Variants in SNX8 observed in about 807,000 individuals in gnomAD.
SNX8 encodes sorting nexin-8.
SNX8 carries 25 observed loss-of-function variants against 51.6 expected under a neutral mutation model. The ratio of observed to expected loss-of-function variants is 0.48; its 90% CI spans 0.35 to 0.68. SNX8 has a LOEUF of 0.68. Among genes scored for constraint, SNX8 ranks in the 30% least tolerant of loss-of-function variants. The probability of loss-of-function intolerance (pLI) is 0.00; values close to 1 mark genes in which losing one functional copy is unlikely to be tolerated. For synonymous variants in SNX8, 324 were observed against 277.0 expected (o/e 1.17, Z -1.68); for missense variants, 695 against 624.0 (o/e 1.11, Z -1.21).
chr7:2,353,627 G>A (rs1335543029), intron 1 of SNX8, among the ~76,000 whole-genome samples: 1 of 151,896 alleles, frequency 6.6e-6, no homozygotes, highest in Non-Finnish European at 1.5e-5. Flanking sequence ...GTGGCATCAA[G>A]TACATTCACC....
intron 1 of SNX8, among the ~76,000 whole-genome samples, chr7:2,297,546 G>A (rs1214746289): frequency 8.6e-5 from 2 of 23,340 alleles, no homozygotes; most frequent in South Asian, 1.5e-3. Flanking sequence ...GCAAAACCCC[G>A]CCGCAAAAAA....
At chr7:2,323,458 G>A (rs1319852750) in intron 1 of SNX8, among the ~76,000 whole-genome samples, 1 of 151,990 alleles carries the variant, frequency 6.6e-6, no homozygotes, top group African/African-American at 2.4e-5. Flanking sequence ...TCATGCTGCA[G>A]TAACAATCTC....
rs557954339 is a variant in SNX8, at chr7:2,335,822, A to T, written c.-66+18400T>A. Among the ~76,000 whole-genome samples, 99 of 151,394 alleles carry T rather than the reference A, an allele frequency of 6.5e-4. 1 individual carries two copies. The South Asian group carries it at 0.02, about 31-fold the overall frequency. On this transcript the variant is annotated intron_variant, in intron 1 of 5. Transcript: ENST00000435336. ...TGTCTCAAAAAAAAAAAAAAAAAAA[A>T]AAAAAATTCTACAGTAGGCAAAACT...
chr7:2,329,617 C>A (rs571760422), intron 1 of SNX8, among the ~76,000 whole-genome samples: 7 of 152,254 alleles, frequency 4.6e-5, no homozygotes, highest in African/African-American at 1.4e-4. Context: ...GTCTTAAGAC[C>A]CTTCCCAGAC....
Position 2,254,706 on chromosome 7 carries a change from TC to T in SNX8, c.*349del, listed in dbSNP as rs1795131527. 1 of 336,150 alleles carries T rather than the reference TC, an allele frequency of 3.0e-6. No homozygotes were observed. The highest frequency in any genetic ancestry group is 5.6e-6 in the Non-Finnish European group (1 of 178,534). 20.8% of individuals were successfully genotyped at this position (336,150 alleles called of 1,614,324 possible). Reference sequence around the variant, plus strand: ...CCATGATGCTGCCCCTCCCGACTGTTCCAGCACCTGGAGGCCCTGCCTCCAC... The same window carrying T: ...CCATGATGCTGCCCCTCCCGACTGTTCAGCACCTGGAGGCCCTGCCTCCAC... On this transcript the variant is annotated 3_prime_UTR_variant, in exon 11 of 11. Coordinates refer to ENST00000222990, the MANE Select transcript of SNX8 (RefSeq NM_013321.4).
chr7:2,302,484 T>A (rs371438093), intron 1 of SNX8, among the ~76,000 whole-genome samples: 1 of 152,288 alleles, frequency 6.6e-6, no homozygotes, highest in South Asian at 2.1e-4. Context: ...TGCCTTGGCC[T>A]CCCAAAGTGC....
intron 1 of SNX8, chr7:2,308,053 G>A (rs1796585279): frequency 6.6e-6 from 1 of 152,096 alleles, no homozygotes; most frequent in Admixed American, 6.6e-5. Flanking sequence ...GTGTGCGTGT[G>A]TGTGTGTGTG....
chr7:2,320,301 A>G (rs2115223896), intron 1 of SNX8, among the ~76,000 whole-genome samples: 2 of 151,792 alleles, frequency 1.3e-5, no homozygotes, highest in East Asian at 3.9e-4. Context: ...GTTGTGGGGG[A>G]GGATTTTTTT....
chr7:2,323,329 CA>C (rs35005505), intron 1 of SNX8, among the ~76,000 whole-genome samples: 31,185 of 105,548 alleles, frequency 0.3, 2,993 homozygotes, highest in Middle Eastern at 0.47. Context: ...GAGTCTGTCT[CA>C]AAAAAAAAAA....
chr7:2,320,171 C>CA (rs1246047501), intron 1 of SNX8, among the ~76,000 whole-genome samples: 1 of 151,862 alleles, frequency 6.6e-6, no homozygotes, highest in Non-Finnish European at 1.5e-5. Context: ...GCCTGACCAA[C>CA]ATGAAGAAAC....
At position 2,271,957 on chromosome 7, in the gene SNX8, T is replaced by C. The variant is rs754983620; in HGVS notation, c.433A>G (p.Ile145Val). ...TTCAGGGCTCTCCTCCTGGCCTCGATGAACTCCCTGTCAGCTGGAGGAGCA... is the reference window on the plus strand; with the variant it reads ...TTCAGGGCTCTCCTCCTGGCCTCGACGAACTCCCTGTCAGCTGGAGGAGCA... ...KRMLGADREF[I>V]EARRRALKRF... The change falls in exon 4 of 11, where the codon ATC (isoleucine) becomes GTC (valine). Residue 145 changes from isoleucine to valine, a missense_variant. Ile to Val is a conservative substitution (Grantham distance 29). Transcript: ENST00000222990. 3 of 1,614,080 alleles carry C rather than the reference T, an allele frequency of 1.9e-6. No individual in the cohort carries two copies. The highest frequency in any genetic ancestry group is 2.5e-6 in the Non-Finnish European group (3 of 1,180,014).
Position 2,254,398 on chromosome 7 carries a change from T to G in SNX8, c.*658A>C, listed in dbSNP as rs1252259818. On this transcript the variant is annotated 3_prime_UTR_variant, in exon 11 of 11. Coordinates refer to ENST00000222990, the MANE Select transcript of SNX8 (RefSeq NM_013321.4). The stretch of plus-strand genomic sequence containing the variant: ...CCCAGCTCTCCGTCACGCCTTTGTC[T>G]TCCAGGCCTGGGCACACACAGGGTC... 1 of 154,062 alleles carries G rather than the reference T, an allele frequency of 6.5e-6. No individual in the cohort carries two copies. Among genetic ancestry groups the G allele is most frequent in the African/African-American group, 2.4e-5 (1 of 41,446 alleles). 9.5% of individuals were successfully genotyped at this position (154,062 alleles called of 1,614,324 possible). A position where few individuals can be genotyped will look rare whatever the true frequency, so the allele number is the denominator to read the frequency against.
intron 5 of SNX8, among the ~76,000 whole-genome samples, chr7:2,265,509 G>C (rs1216747581): frequency 6.6e-6 from 1 of 151,520 alleles, no homozygotes; most frequent in Non-Finnish European, 1.5e-5. Flanking sequence ...GCCAGGCGTG[G>C]TGGAGCGCCT....
intron 1 of SNX8, among the ~76,000 whole-genome samples, chr7:2,335,042 A>G (rs1340157530): frequency 2.0e-5 from 3 of 151,912 alleles, no homozygotes; most frequent in East Asian, 3.9e-4. Context: ...CTAAGAATAC[A>G]TAAATTACCT....
intron 1 of SNX8, among the ~76,000 whole-genome samples, chr7:2,286,797 T>G (rs1400341765): frequency 2.6e-5 from 4 of 152,074 alleles, no homozygotes; most frequent in Non-Finnish European, 1.5e-5. Context: ...ATTACAGGCA[T>G]GAGCCACCGC....
At chr7:2,317,152 T>A (rs1796769937), upstream of SNX8, among the ~76,000 whole-genome samples, 1 of 149,892 alleles carries the variant, frequency 6.7e-6, no homozygotes, top group Non-Finnish European at 1.5e-5. Flanking sequence ...CAGCTGCAGA[T>A]GCTGTGGTCA....
At chr7:2,295,085 ACT>A (rs552933080) in intron 1 of SNX8, among the ~76,000 whole-genome samples, 32 of 152,036 alleles carry the variant, frequency 2.1e-4, no homozygotes, top group Non-Finnish European at 3.4e-4. Flanking sequence ...CATCCACCTC[ACT>A]GTTTGGTTGC....
intron 1 of SNX8, among the ~76,000 whole-genome samples, chr7:2,309,395 A>G (rs1796615067): frequency 6.6e-6 from 1 of 151,972 alleles, no homozygotes; most frequent in African/African-American, 2.4e-5. Context: ...GTGTGGTGGC[A>G]CACGCCTGTA....
chr7:2,314,204 G>T, intron 1 of SNX8, 124 bp downstream of exon 1: 1 of 1,055,026 alleles, frequency 9.5e-7, no homozygotes, highest in African/African-American at 1.7e-5. Flanking sequence ...GCGTGGGGCC[G>T]AACGCGGGGC....
Sources: gnomAD v4.1 joint callset for allele counts (sites outside exome capture counted in the v4.1 genomes callset) on GRCh38, gnomAD v4.1.1 for gene constraint, MANE v1.5 for transcripts, NCBI Gene and HGNC (gene_info 2026-07-23, HGNC 2026-07-21) for gene names.